Variants in MMS22L observed in about 807,000 individuals in gnomAD.
The protein encoded by MMS22L is MMS22 like, DNA repair protein.
MMS22L carries 74 observed loss-of-function variants against 159.1 expected under a neutral mutation model. The ratio of observed to expected loss-of-function variants is 0.47; its 90% CI spans 0.39 to 0.56. The LOEUF is 0.56. Ranked by LOEUF, MMS22L falls within the 20% of genes least tolerant of loss-of-function variation. The pLI is 0.00. For missense variants in MMS22L, 1,351 were observed against 1,422.1 expected (o/e 0.95, Z 0.80); for synonymous variants, 517 against 506.9 (o/e 1.02, Z -0.27).
At chr6:97,226,360 C>T (rs527734289) in intron 14 of MMS22L, among the ~76,000 whole-genome samples, 237 of 152,156 alleles carry the variant, frequency 1.6e-3, no homozygotes, top group African/African-American at 5.5e-3. Context: ...TTTGGGAGGC[C>T]GAGGCGGGTG....
intron 9 of MMS22L, among the ~76,000 whole-genome samples, chr6:97,255,045 C>A (rs1582807859): frequency 6.6e-6 from 1 of 151,912 alleles, no homozygotes. Context: ...GTGGCTTCAT[C>A]TGTATTTTGT....
intron 2 of MMS22L, among the ~76,000 whole-genome samples, chr6:97,282,109 T>A (rs1483334575): frequency 2.0e-5 from 3 of 152,138 alleles, no homozygotes; most frequent in Non-Finnish European, 4.4e-5. Flanking sequence ...ACCAAGGAAG[T>A]TTTCCCTAAT....
In MMS22L at chr6:97,145,053, C is replaced by A. The variant is rs1235643920; in HGVS notation, c.*1753G>T. 4.5e-4 allele frequency: 66 copies of A among 146,802 alleles called. 5 individuals are homozygous for A. The highest frequency in any genetic ancestry group is 1.7e-3 in the African/African-American group (65 of 38,320). The allele number at this position is 146,802 out of a possible 1,614,324, so 9.1% of individuals were successfully genotyped here. A position where few individuals can be genotyped will look rare whatever the true frequency, so the allele number is the denominator to read the frequency against. On this transcript the variant is annotated 3_prime_UTR_variant, in exon 25 of 25. Coordinates refer to ENST00000683635, the MANE Select transcript of MMS22L (RefSeq NM_001350599.2). ...ACACACACACACACACACACACACA[C>A]ACACACACACACAAAAACACATATA...
intron 9 of MMS22L, chr6:97,260,041 AAAATT>A (rs1379461169): frequency 1.3e-5 from 2 of 152,136 alleles, no homozygotes; most frequent in Non-Finnish European, 2.9e-5. Flanking sequence ...TAGTGCCAAT[AAAATT>A]ATTTTGCTCT....
intron 21 of MMS22L, among the ~76,000 whole-genome samples, chr6:97,164,583 T>C (rs1802774549): frequency 6.6e-6 from 1 of 151,962 alleles, no homozygotes; most frequent in Non-Finnish European, 1.5e-5. Context: ...TTAGCATTCA[T>C]TTTTTCACTT....
At chr6:97,249,641 T>A (rs933521449) in intron 10 of MMS22L, among the ~76,000 whole-genome samples, 1 of 151,924 alleles carries the variant, frequency 6.6e-6, no homozygotes, top group Non-Finnish European at 1.5e-5. Context: ...GTCATGTATG[T>A]ACAAATCAAA....
intron 14 of MMS22L, among the ~76,000 whole-genome samples, chr6:97,204,257 A>G (rs552503693): frequency 6.6e-6 from 1 of 152,344 alleles, no homozygotes; most frequent in East Asian, 1.9e-4. Flanking sequence ...CCTCCCCTTC[A>G]ATAGAACTGA....
intron 10 of MMS22L, among the ~76,000 whole-genome samples, chr6:97,249,755 T>A (rs1813050766): frequency 7.0e-6 from 1 of 143,596 alleles, no homozygotes; most frequent in Non-Finnish European, 1.5e-5. Context: ...TTACCTAACA[T>A]GCCTTCCCTC....
chr6:97,213,316 G>T (rs139353873), intron 14 of MMS22L, among the ~76,000 whole-genome samples: 5 of 152,248 alleles, frequency 3.3e-5, no homozygotes, highest in African/African-American at 1.2e-4. Context: ...TGAGGCAGGA[G>T]AATCACTTGA....
chr6:97,250,576 C>G (rs964898204), intron 10 of MMS22L, among the ~76,000 whole-genome samples: 1 of 152,092 alleles, frequency 6.6e-6, no homozygotes, highest in Non-Finnish European at 1.5e-5. Flanking sequence ...GAGAGAAAAG[C>G]ATTAAACAGA....
At chr6:97,191,774 A>C (rs954586060) in intron 14 of MMS22L, among the ~76,000 whole-genome samples, 2 of 152,178 alleles carry the variant, frequency 1.3e-5, no homozygotes, top group Non-Finnish European at 2.9e-5. Context: ...CTCTCATCAT[A>C]CTTGCTTGTA....
intron 14 of MMS22L, among the ~76,000 whole-genome samples, chr6:97,198,187 C>T (rs185574137): frequency 8.2e-4 from 125 of 152,212 alleles, no homozygotes; most frequent in African/African-American, 2.4e-3. Context: ...ATACCCTGTT[C>T]GAGAGGCCAC....
At chr6:97,151,961 G>A in intron 22 of MMS22L, 94 bp from the exon 23 acceptor site, 1 of 933,812 alleles carries the variant, frequency 1.1e-6, no homozygotes, top group Non-Finnish European at 1.7e-6. Context: ...AAAATATGTT[G>A]TTTTCTTAAA....
At chr6:97,233,619 A>G (rs1013891586) in intron 12 of MMS22L, among the ~76,000 whole-genome samples, 2 of 152,132 alleles carry the variant, frequency 1.3e-5, no homozygotes, top group Admixed American at 1.3e-4. Flanking sequence ...TATCTGATAC[A>G]TTTTAGCTAC....
At chr6:97,209,541 C>T (rs544498072) in intron 14 of MMS22L, among the ~76,000 whole-genome samples, 2 of 151,988 alleles carry the variant, frequency 1.3e-5, no homozygotes, top group South Asian at 4.1e-4. Context: ...ATTTTCTCTT[C>T]AAATCTCTCC....
Position 97,165,341 on chromosome 6 carries a change from T to C in MMS22L, c.3126A>G (p.Ser1042=). 6.2e-7 allele frequency: 1 copy of C among 1,613,454 alleles called. No homozygotes were observed. Among genetic ancestry groups the C allele is most frequent in the Non-Finnish European group, 8.5e-7 (1 of 1,179,640 alleles). Reference sequence around the variant, plus strand: ...GCAAAACAGGATGTTGTCCAAGATCTGAAACATATGGTGAAGCTGGAAGAA... The same window carrying C: ...GCAAAACAGGATGTTGTCCAAGATCCGAAACATATGGTGAAGCTGGAAGAA... ...GRFLPASPYV[S]DLGQHPVLLA... is the part of the protein sequence containing the mutation. The change falls in exon 21 of 25, where the codon TCA becomes TCG. Residue 1042 remains serine, a synonymous_variant. Transcript: ENST00000683635.
chr6:97,186,369 T>A lies in MMS22L; in HGVS notation c.2233+128A>T, dbSNP rs1028261482. The A allele has an allele frequency of 6.5e-6, 4 of 617,388 alleles. No individual in the cohort carries two copies. In the African/African-American group the frequency reaches 7.7e-5, roughly 12 times the overall value. The allele number at this position is 617,388 out of a possible 1,614,324, so 38.2% of individuals were successfully genotyped here. On this transcript the variant is annotated intron_variant, in intron 15 of 24. Coordinates refer to ENST00000683635, the MANE Select transcript of MMS22L (RefSeq NM_001350599.2). ...CAAAGGATCCCAATTTATTAATATGTAATTTGTTTCATCTTTCTGGCTGAC... is the reference window on the plus strand; with the variant it reads ...CAAAGGATCCCAATTTATTAATATGAAATTTGTTTCATCTTTCTGGCTGAC...
chr6:97,148,009 T>A (rs538805328), intron 24 of MMS22L, among the ~76,000 whole-genome samples: 44 of 152,358 alleles, frequency 2.9e-4, no homozygotes, highest in African/African-American at 1.0e-3. Flanking sequence ...TGCATATGAT[T>A]ATAGTCATGC....
At chr6:97,267,241 C>CT (rs1451853599) in intron 8 of MMS22L, 1 of 152,028 alleles carries the variant, frequency 6.6e-6, no homozygotes, top group Non-Finnish European at 1.5e-5. Flanking sequence ...TATAAAACTC[C>CT]TTTTCCCTCA....
Sources: allele counts gnomAD v4.1 joint callset (sites outside exome capture counted in the v4.1 genomes callset), GRCh38; gene constraint gnomAD v4.1.1; transcripts MANE v1.5; gene names NCBI Gene and HGNC (gene_info 2026-07-23, HGNC 2026-07-21).